The following AJAP1 variants were observed in gnomAD, a reference collection of about 807,000 sequenced individuals.
AJAP1 encodes the protein adherens junction-associated protein 1.
A neutral mutation model predicts 35.0 loss-of-function variants in AJAP1; 5 were observed. The observed-to-expected ratio is 0.14, with a 90% CI of 0.07 to 0.30. AJAP1 has a LOEUF of 0.30. Ranked by LOEUF, AJAP1 falls within the 10% of genes least tolerant of loss-of-function variation. The probability of loss-of-function intolerance (pLI) is 1.00; values close to 1 mark genes in which losing one functional copy is unlikely to be tolerated. For synonymous variants in AJAP1, 284 were observed against 249.3 expected (o/e 1.14, Z -1.31); for missense variants, 586 against 571.0 (o/e 1.03, Z -0.27).
chr1:4,758,501 T>C (rs1038952670), intron 2 of AJAP1, among the ~76,000 whole-genome samples: 2 of 152,016 alleles, frequency 1.3e-5, no homozygotes, highest in African/African-American at 4.8e-5. Flanking sequence ...GAAGGAGAAA[T>C]GCCGAGTGAA....
chr1:4,731,633 A>G lies in AJAP1; in HGVS notation c.829+18934A>G, dbSNP rs571373281. On this transcript the variant is annotated intron_variant, in intron 2 of 5. Transcript: ENST00000378191. ...GCAGGTGGTTTAGGGCCTGTGACCC[A>G]AAAGCTTAGCTGGTAACATACAGGG... is the stretch of plus-strand genomic sequence containing the variant. 2.2e-4 allele frequency among the ~76,000 whole-genome samples: 33 copies of G among 152,320 alleles called. 1 individual carries two copies. In the South Asian group the frequency reaches 6.8e-3, roughly 32 times the overall value.
intron 5 of AJAP1, among the ~76,000 whole-genome samples, chr1:4,776,524 G>A (rs923918382): frequency 6.6e-6 from 1 of 152,180 alleles, no homozygotes; most frequent in Non-Finnish European, 1.5e-5. Flanking sequence ...CATTAGAACA[G>A]GAGCCCGCAG....
chr1:4,720,423 G>A lies in AJAP1; in HGVS notation c.829+7724G>A, dbSNP rs543284335. The stretch of plus-strand genomic sequence containing the variant: ...GAGAGGCTGAAAATCTCCCTCCAGA[G>A]GTGACTGATAGGTGGGCCATGTCAG... On this transcript the variant is annotated intron_variant, in intron 2 of 5. Transcript: ENST00000378191. This position sits in a 1 kb window ranked among gnomAD's most constrained non-coding sequence, Gnocchi z 4.4. 6.6e-6 allele frequency among the ~76,000 whole-genome samples: 1 copy of A among 152,336 alleles called. No homozygotes were observed. Among genetic ancestry groups the A allele is most frequent in the Admixed American group, 6.5e-5 (1 of 15,306 alleles).
intron 2 of AJAP1, among the ~76,000 whole-genome samples, chr1:4,757,045 G>C (rs1557641936): frequency 6.6e-6 from 1 of 152,168 alleles, no homozygotes; most frequent in African/African-American, 2.4e-5. Context: ...TGACACAGAG[G>C]CTCACACATG....
intron 5 of AJAP1, among the ~76,000 whole-genome samples, chr1:4,774,892 A>G (rs1008327694): frequency 2.0e-5 from 3 of 152,140 alleles, no homozygotes; most frequent in African/African-American, 7.2e-5. Flanking sequence ...GTCATTCCCT[A>G]AAACAAGCGA....
intron 1 of AJAP1, among the ~76,000 whole-genome samples, chr1:4,662,199 C>T (rs1417636018): frequency 3.9e-5 from 6 of 152,140 alleles, no homozygotes; most frequent in South Asian, 2.1e-4. Flanking sequence ...AGTTTCAGCA[C>T]GGTTGCTTCA....
chr1:4,749,954 ATG>A (rs1641284997), intron 2 of AJAP1, among the ~76,000 whole-genome samples: 1 of 151,528 alleles, frequency 6.6e-6, no homozygotes, highest in South Asian at 2.1e-4. Context: ...GTGCCCATTC[ATG>A]TGTGTGTATG....
At chr1:4,687,359 G>T (rs72637594) in intron 1 of AJAP1, among the ~76,000 whole-genome samples, 1 of 152,080 alleles carries the variant, frequency 6.6e-6, no homozygotes. Context: ...TCCCTTAAGC[G>T]GAGTGTAAAA....
intron 2 of AJAP1, 61 bp from the exon 3 acceptor site, chr1:4,769,792 C>A (rs1641794389): frequency 1.4e-6 from 2 of 1,438,410 alleles, no homozygotes. Flanking sequence ...CCTTTCCCGG[C>A]CCCCCTCGCC....
At position 4,758,732 on chromosome 1, in the gene AJAP1, C is replaced by T. The variant is rs1397549282; in HGVS notation, c.830-11121C>T. 2.0e-5 allele frequency among the ~76,000 whole-genome samples: 3 copies of T among 152,172 alleles called. No individual in the cohort carries two copies. The East Asian group carries it at 5.8e-4, about 29-fold the overall frequency. On this transcript the variant is annotated intron_variant, in intron 2 of 5. Transcript: ENST00000378191. ...GTCCTATGGGCATAGCATGGAGACA[C>T]GATCCCACCCAACCCTGTGCTGGAG... is the stretch of plus-strand genomic sequence containing the variant.
chr1:4,685,123 G>A (rs1379454478), intron 1 of AJAP1, among the ~76,000 whole-genome samples: 2 of 152,152 alleles, frequency 1.3e-5, no homozygotes, highest in African/African-American at 2.4e-5. Context: ...GCATCTGTGT[G>A]ACAGCCAGCT....
chr1:4,671,816 G>GGAAAC (rs1396378817), intron 1 of AJAP1, among the ~76,000 whole-genome samples: 15 of 152,172 alleles, frequency 9.9e-5, no homozygotes, highest in Admixed American at 9.8e-4. Context: ...TGTAATTAAT[G>GGAAAC]GAAACAAGGT....
intron 2 of AJAP1, among the ~76,000 whole-genome samples, chr1:4,736,987 G>A (rs528028691): frequency 3.3e-5 from 5 of 152,278 alleles, no homozygotes; most frequent in South Asian, 2.1e-4. Flanking sequence ...CAAGGGCCCC[G>A]CTTAATCCAG....
At chr1:4,687,789 C>CTCCATCCATTCATCCA (rs1639641877) in intron 1 of AJAP1, among the ~76,000 whole-genome samples, 1 of 152,206 alleles carries the variant, frequency 6.6e-6, no homozygotes, top group Non-Finnish European at 1.5e-5. Flanking sequence ...GGGGCACCAG[C>CTCCATCCATTCATCCA]TCCATCCATT....
chr1:4,741,331 C>T (rs1641064289), intron 2 of AJAP1, among the ~76,000 whole-genome samples: 1 of 152,156 alleles, frequency 6.6e-6, no homozygotes, highest in African/African-American at 2.4e-5. Context: ...CAGGGTCTTG[C>T]TCCCTCTGGA....
chr1:4,683,512 C>T (rs1247550887), intron 1 of AJAP1, among the ~76,000 whole-genome samples: 1 of 152,176 alleles, frequency 6.6e-6, no homozygotes. Flanking sequence ...AGTGGGTCCA[C>T]TGGGACGTTG....
At chr1:4,762,578 C>T (rs939073324) in intron 2 of AJAP1, among the ~76,000 whole-genome samples, 3 of 152,224 alleles carry the variant, frequency 2.0e-5, no homozygotes, top group African/African-American at 7.2e-5. Flanking sequence ...TACATTTCTC[C>T]ACTGCAAGAT....
intron 2 of AJAP1, among the ~76,000 whole-genome samples, chr1:4,735,343 G>A (rs905984253): frequency 5.3e-5 from 8 of 152,190 alleles, no homozygotes; most frequent in African/African-American, 1.9e-4. Flanking sequence ...CGTGTGGGAG[G>A]GAGGGTGCGA....
intron 1 of AJAP1, among the ~76,000 whole-genome samples, chr1:4,703,939 C>A (rs948202979): frequency 6.6e-6 from 1 of 152,330 alleles, no homozygotes; most frequent in Middle Eastern, 3.4e-3. Flanking sequence ...GCTGTCTGCC[C>A]TCCGGATGGA....
Sources: gnomAD v4.1 joint callset for allele counts (sites outside exome capture counted in the v4.1 genomes callset) on GRCh38, gnomAD v4.1.1 for gene constraint, Gnocchi (gnomAD v3.1) non-coding constraint, MANE v1.5 for transcripts, NCBI Gene and HGNC (gene_info 2026-07-23, HGNC 2026-07-21) for gene names.